Variants in COL16A1 observed in about 807,000 individuals in gnomAD.
COL16A1 encodes the protein collagen type XVI alpha 1 chain, also known as collagen alpha-1(XVI) chain.
A neutral mutation model predicts 266.3 loss-of-function variants in COL16A1; 189 were observed. The ratio of observed to expected loss-of-function variants is 0.71; its 90% CI spans 0.63 to 0.80. The LOEUF is 0.80. COL16A1 is among the 30% of genes least tolerant of loss of function. The pLI is 0.00. For missense variants in COL16A1, 1,928 were observed against 2,122.4 expected, an observed-to-expected ratio of 0.91 and a Z score of 1.80; for synonymous variants, 740 against 782.3, an observed-to-expected ratio of 0.95 and a Z score of 0.90.
rs1557663957 is a variant in COL16A1 at position 31,683,938 on chromosome 1, ACT to A, written c.2337+10_2337+11del. 6.2e-7 allele frequency: 1 copy of A among 1,613,856 alleles called. No individual in the cohort carries two copies. Among genetic ancestry groups the A allele is most frequent in the Non-Finnish European group, 8.5e-7 (1 of 1,179,950 alleles). ...CGTAGCTACGGCCCAGGGCCCCAAG[ACT>A]CACACATACCTGCACGCCCTTCAGT... On this transcript the variant is annotated intron_variant, in intron 33 of 70. Transcript: ENST00000373672.
rs1054768734 is a variant in COL16A1 at position 31,670,615 on chromosome 1, G to A, written c.3182C>T (p.Ser1061Phe). Residue 1061 changes from serine to phenylalanine, a missense_variant, in exon 49 of 71, where the codon TCC (serine) becomes TTC (phenylalanine). By Grantham distance (155) the Ser-to-Phe change is radical. Around this residue, in one of 2 missense-constraint regions of COL16A1, gnomAD observed 1,552 missense variants for 1,637.2 expected, o/e 0.95. Coordinates refer to ENST00000373672, the MANE Select transcript of COL16A1 (RefSeq NM_001856.4). The surrounding 1 kb of genome is among the most constrained non-coding windows in gnomAD (Gnocchi z 4.5). Reference protein sequence around the residue: ...GPPGFPGAVGSPGLPGLQGER... With the variant: ...GPPGFPGAVGFPGLPGLQGER... ...CTAGGTTCTTACAGGCAATCCGGGGGAGCCAACAGCACCAGGAAAACCTGG... is the reference window on the plus strand; with the variant it reads ...CTAGGTTCTTACAGGCAATCCGGGGAAGCCAACAGCACCAGGAAAACCTGG... The A allele has an allele frequency of 7.1e-7, 1 of 1,416,302 alleles. No individual in the cohort carries two copies. The allele number at this position is 1,416,302 out of a possible 1,614,324, so 87.7% of individuals were successfully genotyped here. A position where few individuals can be genotyped will look rare whatever the true frequency, so the allele number is the denominator to read the frequency against.
rs199700017 is a variant in COL16A1, at chr1:31,665,192, G to C, written c.3535C>G (p.Pro1179Ala). Residue 1179 changes from proline to alanine, a missense_variant, in exon 56 of 71, where the codon CCT (proline) becomes GCT (alanine). Physicochemically the swap from Pro to Ala is conservative, Grantham distance 27. Around this residue, in one of 2 missense-constraint regions of COL16A1, gnomAD observed 1,552 missense variants for 1,637.2 expected, o/e 0.95. Transcript: ENST00000373672. ...FPGKVGSPGP[P>A]GPQAEKGSEG... ...CTCACCTTCTCTGCTTGAGGGCCAG[G>C]TGGGCCAGGTGATCCAACTTTGCCT... 1 of 1,603,410 alleles carries C rather than the reference G, an allele frequency of 6.2e-7. No individual in the cohort carries two copies. The highest frequency in any genetic ancestry group is 8.5e-7 in the Non-Finnish European group (1 of 1,177,118).
At position 31,662,323 on chromosome 1, in the gene COL16A1, CAT is replaced by C; in HGVS notation, c.3681+9_3681+10del. The stretch of plus-strand genomic sequence containing the variant: ...GGAAGGGGTGCCCGCCCTCCCAGCC[CAT>C]CATCTCACCCTCAAGCCAGGCTTGC... On this transcript the variant is annotated intron_variant, in intron 58 of 70. Transcript: ENST00000373672. 1 of 1,609,356 alleles carries C rather than the reference CAT, an allele frequency of 6.2e-7. No individual in the cohort carries two copies. Among genetic ancestry groups the C allele is most frequent in the African/African-American group, 1.3e-5 (1 of 74,936 alleles).
chr1:31,685,546 C>G lies in COL16A1; in HGVS notation c.2016+93G>C. 1 of 1,468,266 alleles carries G rather than the reference C, an allele frequency of 6.8e-7. No homozygotes were observed. The highest frequency in any genetic ancestry group is 9.2e-7 in the Non-Finnish European group (1 of 1,082,868). The allele number at this position is 1,468,266 out of a possible 1,614,324, so 91.0% of individuals were successfully genotyped here. A position where few individuals can be genotyped will look rare whatever the true frequency, so the allele number is the denominator to read the frequency against. On this transcript the variant is annotated intron_variant, in intron 29 of 70. Coordinates refer to ENST00000373672, the MANE Select transcript of COL16A1 (RefSeq NM_001856.4). This position sits in a 1 kb window ranked among gnomAD's most constrained non-coding sequence, Gnocchi z 4.0. ...ACCCTCCCCACTACCCCCAACTGCC[C>G]AGGGAGTCAAGAGACCCAGGCAGGA...
rs765653184 is a variant in COL16A1 at position 31,662,574 on chromosome 1, G to T, written c.3627+13C>A. The T allele has an allele frequency of 1.3e-6, 2 of 1,563,724 alleles. No homozygotes were observed. The highest frequency in any genetic ancestry group is 4.7e-5 in the East Asian group (2 of 42,324). On this transcript the variant is annotated intron_variant, in intron 57 of 70. Coordinates refer to ENST00000373672, the MANE Select transcript of COL16A1 (RefSeq NM_001856.4). ...TCGCACACGTCTGCCACGCTGAAAG[G>T]GCACACACTCACCTGAATCCCAGGA...
rs898894933 is a variant in COL16A1 at position 31,683,317 on chromosome 1, G to T, written c.2415+17C>A. 5 of 1,614,144 alleles carry T rather than the reference G, an allele frequency of 3.1e-6. No individual in the cohort carries two copies. The highest frequency in any genetic ancestry group is 4.2e-6 in the Non-Finnish European group (5 of 1,180,030). The stretch of plus-strand genomic sequence containing the variant: ...CCCCTCCCCTGCTATCCTCCTTCAG[G>T]ACTCAGGCAGACGTACCTGAATGCC... On this transcript the variant is annotated intron_variant, in intron 35 of 70. Transcript: ENST00000373672.
chr1:31,652,947 T>C lies in COL16A1; in HGVS notation c.4613-94A>G, dbSNP rs575692562. 2.4e-6 allele frequency: 3 copies of C among 1,239,390 alleles called. No individual in the cohort carries two copies. In the East Asian group the frequency reaches 8.6e-5, roughly 36 times the overall value. The allele number at this position is 1,239,390 out of a possible 1,614,324, so 76.8% of individuals were successfully genotyped here. ...GCATCAAATAATACCTTACATTTGA[T>C]GACTGTTTCTCAAGTTACCACATGT... On this transcript the variant is annotated intron_variant, in intron 70 of 70. Transcript: ENST00000373672. The surrounding 1 kb of genome is among the most constrained non-coding windows in gnomAD (Gnocchi z 4.8).
rs1641262681 is a variant in COL16A1, at chr1:31,657,399, G to A, written c.4021-331C>T. Reference sequence around the variant, plus strand: ...AATCTATGTTAAACGTTTGCTGAATGAACACATGAACAGCCTGAGCCGGCC... The same window carrying A: ...AATCTATGTTAAACGTTTGCTGAATAAACACATGAACAGCCTGAGCCGGCC... On this transcript the variant is annotated intron_variant, in intron 64 of 70. Transcript: ENST00000373672. The surrounding 1 kb of genome is among the most constrained non-coding windows in gnomAD (Gnocchi z 6.4). 2 of 328,302 alleles carry A rather than the reference G, an allele frequency of 6.1e-6. No individual in the cohort carries two copies. 20.3% of individuals were successfully genotyped at this position (328,302 alleles called of 1,614,324 possible).
rs143575797 is a variant in COL16A1 at position 31,681,169 on chromosome 1, G to T, written c.2539-102C>A. 4,764 of 1,463,514 alleles carry T rather than the reference G, an allele frequency of 3.3e-3. 41 individuals carry two copies. Among genetic ancestry groups the T allele is most frequent in the East Asian group, 0.022 (918 of 41,972 alleles). 90.7% of individuals were successfully genotyped at this position (1,463,514 alleles called of 1,614,324 possible). A position where few individuals can be genotyped will look rare whatever the true frequency, so the allele number is the denominator to read the frequency against. On this transcript the variant is annotated intron_variant, in intron 37 of 70. Transcript: ENST00000373672. ...GTAGGACAAACAGAAGCAGCGCCAG[G>T]TTCCCCTGGAGCCCAGGGCCGAGGG... is the stretch of plus-strand genomic sequence containing the variant.
At chr1:31,691,138 C>A in intron 20 of COL16A1, 50 bp downstream of exon 20, 1 of 1,596,758 alleles carries the variant, frequency 6.3e-7, no homozygotes, top group Admixed American at 1.8e-5. Context: ...TCTCTCTCCT[C>A]CTGTCAAGCA....
chr1:31,691,345 G>T, intron 19 of COL16A1, 72 bp downstream of exon 19: 1 of 1,582,024 alleles, frequency 6.3e-7, no homozygotes, highest in Non-Finnish European at 8.6e-7. Context: ...TCTTCCCCCC[G>T]TTCATTCCCT....
At position 31,662,247 on chromosome 1, in the gene COL16A1, G is replaced by T. The variant is rs1320443580; in HGVS notation, c.3681+87C>A. ...CCCTGACAAAGACGGGGATACTTCG[G>T]TTCTTTCCATCAGGGTTCCCTTGAC... is the stretch of plus-strand genomic sequence containing the variant. On this transcript the variant is annotated intron_variant, in intron 58 of 70. Coordinates refer to ENST00000373672, the MANE Select transcript of COL16A1 (RefSeq NM_001856.4). The T allele has an allele frequency of 5.1e-6, 8 of 1,557,410 alleles. No individual in the cohort carries two copies. The East Asian group carries it at 1.9e-4, about 37-fold the overall frequency.
In COL16A1 at chr1:31,683,629, GT is replaced by G. The variant is rs1053050460; in HGVS notation, c.2379+77del. On this transcript the variant is annotated intron_variant, in intron 34 of 70. Transcript: ENST00000373672. The stretch of plus-strand genomic sequence containing the variant: ...CTCTGGGGGCAGGCAGAGCCCTGAA[GT>G]TTGGGAGTGGATGGAAGTAGGTAGC... 3.7e-5 allele frequency: 59 copies of G among 1,612,620 alleles called. No individual in the cohort carries two copies. In the African/African-American group the frequency reaches 6.6e-4, roughly 18 times the overall value.
Position 31,698,618 on chromosome 1 carries a change from G to C in COL16A1, c.267-12C>G. The C allele has an allele frequency of 6.2e-7, 1 of 1,613,356 alleles. No homozygotes were observed. Among genetic ancestry groups the C allele is most frequent in the East Asian group, 2.2e-5 (1 of 44,874 alleles). On this transcript the variant is annotated splice_polypyrimidine_tract_variant and intron_variant, in intron 4 of 70. Coordinates refer to ENST00000373672, the MANE Select transcript of COL16A1 (RefSeq NM_001856.4). This position sits in a 1 kb window ranked among gnomAD's most constrained non-coding sequence, Gnocchi z 4.1. ...GAGGGAATACTCTTCTGGAGATGGA[G>C]CAGGGAGGGTGCCCTGAGGCTCCAA...
At chr1:31,661,277 C>A in intron 60 of COL16A1, 137 bp downstream of exon 60, 1 of 1,516,900 alleles carries the variant, frequency 6.6e-7, no homozygotes, top group Admixed American at 1.8e-5. Flanking sequence ...CTGACCCAGT[C>A]TGCCAGGCAC....
In COL16A1 at chr1:31,664,294, T is replaced by C. The variant is rs1423178408; in HGVS notation, c.3555+878A>G. Among the ~76,000 whole-genome samples, 1 of 152,058 alleles carries C rather than the reference T, an allele frequency of 6.6e-6. No individual in the cohort carries two copies. Among genetic ancestry groups the C allele is most frequent in the Non-Finnish European group, 1.5e-5 (1 of 67,996 alleles). On this transcript the variant is annotated intron_variant, in intron 56 of 70. Transcript: ENST00000373672. This position sits in a 1 kb window ranked among gnomAD's most constrained non-coding sequence, Gnocchi z 5.5. ...GGTCCTCCTGGAGCTGGGAAGGAAGTCTCAGCTCTGCTGCTAACACCACTG... is the reference window on the plus strand; with the variant it reads ...GGTCCTCCTGGAGCTGGGAAGGAAGCCTCAGCTCTGCTGCTAACACCACTG...
intron 37 of COL16A1, among the ~76,000 whole-genome samples, chr1:31,682,058 G>A (rs138409953): frequency 1.6e-4 from 24 of 152,302 alleles, no homozygotes; most frequent in Non-Finnish European, 1.3e-4. Context: ...GACAAATTAC[G>A]CATTTGCCCA....
chr1:31,695,763 C>T lies in COL16A1; in HGVS notation c.943G>A (p.Glu315Lys). 6.2e-7 allele frequency: 1 copy of T among 1,613,502 alleles called. No individual in the cohort carries two copies. The highest frequency in any genetic ancestry group is 1.7e-5 in the Admixed American group (1 of 60,010). Reference protein sequence around the residue: ...AKVHQETAADECPPCVHGARD... With the variant: ...AKVHQETAADKCPPCVHGARD... The stretch of plus-strand genomic sequence containing the variant: ...TGCCAGTCCACTGGGAGGCTTACCT[C>T]ATCGGCTGCTGTCTCCTGATGGACC... The change falls in exon 10 of 71, where the codon GAG becomes AAG. Residue 315 changes from glutamate to lysine, a missense_variant and splice_region_variant. Glu to Lys is a moderately conservative substitution (Grantham distance 56, BLOSUM62 1). Transcript: ENST00000373672.
In COL16A1 at chr1:31,656,217, C is replaced by T. The variant is rs1032586418; in HGVS notation, c.4101+183G>A. ...AAATGAACTGGAGATTTCCTTCCCC[C>T]CAACCACAGCTAATGACCCCATGTG... On this transcript the variant is annotated intron_variant, in intron 66 of 70. Coordinates refer to ENST00000373672, the MANE Select transcript of COL16A1 (RefSeq NM_001856.4). This position sits in a 1 kb window ranked among gnomAD's most constrained non-coding sequence, Gnocchi z 4.2. 5.5e-6 allele frequency: 5 copies of T among 910,760 alleles called. No individual in the cohort carries two copies. The highest frequency in any genetic ancestry group is 5.1e-5 in the African/African-American group (3 of 58,580). 56.4% of individuals were successfully genotyped at this position (910,760 alleles called of 1,614,324 possible).
Sources: allele counts gnomAD v4.1 joint callset (sites outside exome capture counted in the v4.1 genomes callset), GRCh38; gene constraint gnomAD v4.1.1; regional missense constraint gnomAD v4.1.1; non-coding constraint Gnocchi (gnomAD v3.1); transcripts MANE v1.5; gene names NCBI Gene and HGNC (gene_info 2026-07-23, HGNC 2026-07-21).